Variants in IFT52 observed in about 807,000 individuals in gnomAD.
IFT52 encodes the protein intraflagellar transport protein 52 homolog.
Under a neutral mutation model 54.4 loss-of-function variants are expected in IFT52, and 44 were observed. That is an observed-to-expected ratio of 0.81 (90% confidence interval 0.63 to 1.04). The LOEUF (loss-of-function observed/expected upper bound fraction) is 1.04. Among genes scored for constraint, IFT52 ranks in the 50% least tolerant of loss-of-function variants. IFT52 has a pLI of 0.00. For missense variants in IFT52, 452 were observed against 523.6 expected (o/e 0.86, Z 1.33); for synonymous variants, 181 against 185.3 (o/e 0.98, Z 0.19).
chr20:43,642,294 G>C (rs1471855416), intron 12 of IFT52, 185 bp from the exon 13 acceptor site: 4 of 552,558 alleles, frequency 7.2e-6, no homozygotes, highest in Non-Finnish European at 1.3e-5. Flanking sequence ...TATTATAAAA[G>C]CAGCACATTA....
chr20:43,628,580 T>C (rs1392557060), intron 10 of IFT52, among the ~76,000 whole-genome samples: 4 of 152,142 alleles, frequency 2.6e-5, no homozygotes, highest in Non-Finnish European at 2.9e-5. Flanking sequence ...AAGCCGGACA[T>C]GATGGCTCAC....
chr20:43,638,348 G>A (rs1197791689), intron 12 of IFT52, among the ~76,000 whole-genome samples: 1 of 151,930 alleles, frequency 6.6e-6, no homozygotes, highest in South Asian at 2.1e-4. Context: ...CCACCGCCAC[G>A]CATGGCTAAT....
intron 6 of IFT52, among the ~76,000 whole-genome samples, chr20:43,613,179 C>A (rs113275613): frequency 0.013 from 1,955 of 152,280 alleles, 47 homozygotes; most frequent in African/African-American, 0.045. Flanking sequence ...TGGTAACATA[C>A]CCATCCAGTG....
intron 4 of IFT52, 93 bp downstream of exon 4, chr20:43,603,982 G>A (rs1164399134): frequency 9.6e-7 from 1 of 1,040,296 alleles, no homozygotes; most frequent in African/African-American, 1.6e-5. Context: ...AATGGAAAAA[G>A]CCCTGGGCTG....
chr20:43,646,254 C>CA (rs1428134222), intron 13 of IFT52, among the ~76,000 whole-genome samples: 1 of 151,594 alleles, frequency 6.6e-6, no homozygotes, highest in Non-Finnish European at 1.5e-5. Flanking sequence ...ACTTTTGCAG[C>CA]AAAAAAAGAG....
rs191035672 is a variant in IFT52, at chr20:43,645,824, C to T, written c.1267-1112C>T. On this transcript the variant is annotated intron_variant, in intron 13 of 13. Transcript: ENST00000373030. Reference sequence around the variant, plus strand: ...AGGTTGCAGTGAGCAGTGATCATGCCACTGCACTCCATCCAGGGTGATAGA... The same window carrying T: ...AGGTTGCAGTGAGCAGTGATCATGCTACTGCACTCCATCCAGGGTGATAGA... Among the ~76,000 whole-genome samples, 18 of 49,648 alleles carry T rather than the reference C, an allele frequency of 3.6e-4. 8 individuals carry two copies. The Admixed American group carries it at 4.4e-3, about 12-fold the overall frequency. The allele number at this position is 49,648 out of a possible 152,430, so 32.6% of individuals were successfully genotyped here. A position where few individuals can be genotyped will look rare whatever the true frequency, so the allele number is the denominator to read the frequency against.
intron 5 of IFT52, among the ~76,000 whole-genome samples, chr20:43,604,774 T>C (rs375323710): frequency 1.7e-4 from 26 of 152,164 alleles, no homozygotes; most frequent in African/African-American, 6.0e-4. Flanking sequence ...TGAAACTTAC[T>C]TCACATTCAA....
chr20:43,646,730 G>A (rs919550815), intron 13 of IFT52, among the ~76,000 whole-genome samples: 1 of 152,134 alleles, frequency 6.6e-6, no homozygotes, highest in Non-Finnish European at 1.5e-5. Flanking sequence ...CATGGTGGGT[G>A]GTGGGCAGTG....
At chr20:43,629,169 T>C (rs1260280473) in intron 10 of IFT52, among the ~76,000 whole-genome samples, 1 of 152,240 alleles carries the variant, frequency 6.6e-6, no homozygotes, top group Non-Finnish European at 1.5e-5. Context: ...GTTGCATGTT[T>C]TAGTATAAAC....
chr20:43,612,092 T>C (rs188069111), intron 6 of IFT52, among the ~76,000 whole-genome samples: 10 of 152,216 alleles, frequency 6.6e-5, no homozygotes, highest in Admixed American at 2.6e-4. Flanking sequence ...AAGTGTCCGT[T>C]CTCCCTTATG....
Position 43,604,242 on chromosome 20 carries a change from A to C in IFT52, c.397A>C (p.Ser133Arg). The C allele has an allele frequency of 6.2e-7, 1 of 1,610,426 alleles. No homozygotes were observed. Among genetic ancestry groups the C allele is most frequent in the Non-Finnish European group, 8.5e-7 (1 of 1,176,658 alleles). ...CCATCCTAAAGAAGCTCTAGTTTCCAGTGGAGTCTTGAACAGGTAAGCATG... is the reference window on the plus strand; with the variant it reads ...CCATCCTAAAGAAGCTCTAGTTTCCCGTGGAGTCTTGAACAGGTAAGCATG... ...YFHPKEALVSSGVLNREISRA... is the reference protein window; with the variant it reads ...YFHPKEALVSRGVLNREISRA... The change falls in exon 5 of 14, where the codon AGT becomes CGT. Residue 133 changes from serine (S) to arginine (R), a missense_variant. Coordinates refer to ENST00000373030, the MANE Select transcript of IFT52 (RefSeq NM_016004.5).
intron 6 of IFT52, among the ~76,000 whole-genome samples, chr20:43,606,648 G>A (rs1465813553): frequency 6.6e-6 from 1 of 151,836 alleles, no homozygotes; most frequent in East Asian, 1.9e-4. Flanking sequence ...GGATTTGGCA[G>A]GGTCATAGGA....
In IFT52 at chr20:43,644,036, G is replaced by A. The variant is rs1986084387; in HGVS notation, c.1266+1412G>A. On this transcript the variant is annotated intron_variant, in intron 13 of 13. Coordinates refer to ENST00000373030, the MANE Select transcript of IFT52 (RefSeq NM_016004.5). ...GGAGAATTGCTTGAACCTGGGAGGC[G>A]GAGGTTACAGTAAGCCAAGACCACA... Among the ~76,000 whole-genome samples, 2 of 56,238 alleles carry A rather than the reference G, an allele frequency of 3.6e-5. 1 individual carries two copies. Among genetic ancestry groups the A allele is most frequent in the Non-Finnish European group, 8.5e-5 (2 of 23,662 alleles). 36.9% of individuals were successfully genotyped at this position (56,238 alleles called of 152,430 possible). A position where few individuals can be genotyped will look rare whatever the true frequency, so the allele number is the denominator to read the frequency against.
At chr20:43,641,384 A>G (rs185057177) in intron 12 of IFT52, among the ~76,000 whole-genome samples, 17 of 151,314 alleles carry the variant, frequency 1.1e-4, no homozygotes, top group African/African-American at 4.1e-4. Flanking sequence ...GATTATAGGC[A>G]TGCACCACCA....
chr20:43,619,910 CTTTTTT>C (rs11482384), intron 8 of IFT52, among the ~76,000 whole-genome samples: 9 of 82,798 alleles, frequency 1.1e-4, no homozygotes, highest in South Asian at 5.0e-4. Flanking sequence ...AGATATTCTA[CTTTTTT>C]TTTTTTTTTT....
At chr20:43,633,570 T>C (rs1985323429) in intron 10 of IFT52, among the ~76,000 whole-genome samples, 1 of 151,724 alleles carries the variant, frequency 6.6e-6, no homozygotes, top group Non-Finnish European at 1.5e-5. Context: ...TTGCTAGGCA[T>C]GGTGGCACGC....
intron 12 of IFT52, among the ~76,000 whole-genome samples, chr20:43,639,823 G>A (rs779194843): frequency 2.0e-4 from 30 of 151,742 alleles, no homozygotes; most frequent in Non-Finnish European, 3.5e-4. Context: ...GGTGACAAAG[G>A]ACCCTGTTTC....
intron 6 of IFT52, among the ~76,000 whole-genome samples, chr20:43,611,923 G>A (rs911472337): frequency 1.3e-5 from 2 of 151,806 alleles, no homozygotes; most frequent in Non-Finnish European, 2.9e-5. Flanking sequence ...CCAGCTGCTC[G>A]GGAGGCTGAG....
At chr20:43,608,165 A>G (rs1983125081) in intron 6 of IFT52, among the ~76,000 whole-genome samples, 1 of 151,290 alleles carries the variant, frequency 6.6e-6, no homozygotes, top group Admixed American at 6.6e-5. Flanking sequence ...GACCGTGGGG[A>G]GAGGGAGAGG....
Sources: allele counts gnomAD v4.1 joint callset (sites outside exome capture counted in the v4.1 genomes callset), GRCh38; gene constraint gnomAD v4.1.1; transcripts MANE v1.5; gene names NCBI Gene and HGNC (gene_info 2026-07-23, HGNC 2026-07-21).